Variants in CCNI observed in about 807,000 individuals in gnomAD.
The protein encoded by CCNI is cyclin-I.
CCNI carries 14 observed loss-of-function variants against 34.1 expected under a neutral mutation model. The observed-to-expected ratio is 0.41, with a 90% CI of 0.27 to 0.64. The LOEUF (loss-of-function observed/expected upper bound fraction) is 0.64, where lower values mean the gene tolerates loss of function less well. Among genes scored for constraint, CCNI ranks in the 30% least tolerant of loss-of-function variants. CCNI has a pLI of 0.31. For missense variants in CCNI, 385 were observed against 440.5 expected (o/e 0.87, Z 1.13); for synonymous variants, 154 against 158.4 (o/e 0.97, Z 0.21).
In CCNI at chr4:77,058,600, T is replaced by C. The variant is rs147594092; in HGVS notation, c.150A>G (p.Gln50=). The C allele has an allele frequency of 1.1e-4, 182 of 1,613,594 alleles. 2 individuals are homozygous for C. The South Asian group carries it at 1.6e-3, about 15-fold the overall frequency. Residue 50 remains glutamine, a synonymous_variant, in exon 3 of 7, where the codon CAA becomes CAG. Coordinates refer to ENST00000237654, the MANE Select transcript of CCNI (RefSeq NM_006835.3). ...VSPSQRDEVI[Q]WLAKLKYQFN... ...ATTGGTACTTGAGTTTGGCCAGCCA[T>C]TGAATTACTTCATCTCTCTGGGATG...
intron 1 of CCNI, among the ~76,000 whole-genome samples, chr4:77,067,492 TTA>T (rs963434861): frequency 1.3e-5 from 2 of 151,946 alleles, no homozygotes; most frequent in African/African-American, 2.4e-5. Context: ...TCTCTAGGTT[TTA>T]TGTTTATATG....
At chr4:77,058,406 C>T (rs897840482) in intron 3 of CCNI, 101 bp downstream of exon 3, 28 of 838,734 alleles carry the variant, frequency 3.3e-5, no homozygotes, top group Non-Finnish European at 4.9e-5. Context: ...CAGCAAAGTT[C>T]TCCACTTCTT....
chr4:77,049,012 G>A (rs1272296064), intron 6 of CCNI, among the ~76,000 whole-genome samples: 1 of 124,394 alleles, frequency 8.0e-6, no homozygotes, highest in Non-Finnish European at 1.6e-5. Flanking sequence ...CTGTCTGGAA[G>A]GCCCTTCATC....
intron 1 of CCNI, among the ~76,000 whole-genome samples, chr4:77,074,065 G>A (rs946520101): frequency 6.6e-6 from 1 of 152,066 alleles, no homozygotes; most frequent in African/African-American, 2.4e-5. Flanking sequence ...TAAAGACGAA[G>A]AAACATACAT....
intron 1 of CCNI, among the ~76,000 whole-genome samples, chr4:77,072,638 TAAAAA>T (rs61247567): frequency 7.9e-5 from 8 of 101,386 alleles, no homozygotes; most frequent in African/African-American, 3.3e-4. Flanking sequence ...CCCAATCTCT[TAAAAA>T]AAAAAAAAAA....
At chr4:77,074,261 T>A (rs755727950) in intron 1 of CCNI, among the ~76,000 whole-genome samples, 1 of 152,180 alleles carries the variant, frequency 6.6e-6, no homozygotes, top group Admixed American at 6.5e-5. Flanking sequence ...ATGCTGACTG[T>A]ATTAGTCTGC....
intron 1 of CCNI, among the ~76,000 whole-genome samples, chr4:77,071,190 T>C (rs1047790379): frequency 7.2e-5 from 11 of 152,242 alleles, no homozygotes; most frequent in Admixed American, 2.0e-4. Flanking sequence ...CGTTCTCCAA[T>C]TGCCTATAAT....
chr4:77,054,834 A>G (rs1212630985), intron 6 of CCNI, among the ~76,000 whole-genome samples: 1 of 152,250 alleles, frequency 6.6e-6, no homozygotes, highest in Non-Finnish European at 1.5e-5. Flanking sequence ...GTACTACATT[A>G]AAACCTACAG....
chr4:77,075,381 G>A (rs1242364012), intron 1 of CCNI, 91 bp downstream of exon 1: 10 of 404,718 alleles, frequency 2.5e-5, no homozygotes, highest in South Asian at 2.0e-4. Context: ...GCGCTGCCAC[G>A]GGGGCGGCGC....
intron 3 of CCNI, chr4:77,056,613 G>A (rs934679362): frequency 6.8e-5 from 17 of 249,258 alleles, no homozygotes; most frequent in East Asian, 3.2e-4. Context: ...TTTTTGAGAC[G>A]GAGTCTTGGC....
intron 1 of CCNI, among the ~76,000 whole-genome samples, chr4:77,071,239 A>G (rs1042141069): frequency 1.3e-5 from 2 of 152,244 alleles, no homozygotes; most frequent in African/African-American, 2.4e-5. Flanking sequence ...TTATATTGTA[A>G]TAACTTTTTT....
chr4:77,067,450 A>C (rs1729116305), intron 1 of CCNI, among the ~76,000 whole-genome samples: 1 of 152,176 alleles, frequency 6.6e-6, no homozygotes, highest in Non-Finnish European at 1.5e-5. Flanking sequence ...CAAGTTTAGC[A>C]GTGCAAGACA....
Position 77,058,643 on chromosome 4 carries a change from G to A in CCNI, c.115-8C>T, listed in dbSNP as rs1335023847. ...CTGGGATGGAGAAACATTCTATAAG[G>A]GAACAATTTTGAAAACAGAAGACAA... On this transcript the variant is annotated splice_region_variant and splice_polypyrimidine_tract_variant and intron_variant, in intron 2 of 6. Coordinates refer to ENST00000237654, the MANE Select transcript of CCNI (RefSeq NM_006835.3). 6.2e-7 allele frequency: 1 copy of A among 1,607,074 alleles called. No homozygotes were observed. The highest frequency in any genetic ancestry group is 1.1e-5 in the South Asian group (1 of 89,832).
At chr4:77,059,363 GT>G (rs897766682) in intron 2 of CCNI, among the ~76,000 whole-genome samples, 1 of 149,832 alleles carries the variant, frequency 6.7e-6, no homozygotes, top group African/African-American at 2.5e-5. Context: ...AAAACCGGTT[GT>G]TTATTTTGGG....
At chr4:77,072,557 A>C (rs1729556784) in intron 1 of CCNI, among the ~76,000 whole-genome samples, 1 of 150,720 alleles carries the variant, frequency 6.6e-6, no homozygotes. Flanking sequence ...GGATTACGTA[A>C]GCCCAGGAGC....
At chr4:77,066,490 A>C in intron 1 of CCNI, 85 bp from the exon 2 acceptor site, 1 of 961,110 alleles carries the variant, frequency 1.0e-6, no homozygotes, top group Non-Finnish European at 1.5e-6. Flanking sequence ...CATAAAACAA[A>C]ATAAGAATGC....
intron 1 of CCNI, among the ~76,000 whole-genome samples, chr4:77,070,898 T>C (rs573651979): frequency 3.8e-4 from 58 of 152,356 alleles, no homozygotes; most frequent in Admixed American, 7.8e-4. Context: ...AAGAGATATT[T>C]AGAAGAAACA....
At chr4:77,061,269 C>T (rs1241237219) in intron 2 of CCNI, among the ~76,000 whole-genome samples, 3 of 152,178 alleles carry the variant, frequency 2.0e-5, no homozygotes, top group African/African-American at 7.2e-5. Context: ...ATCATCATGA[C>T]AGCATTACAA....
At chr4:77,069,691 C>T (rs897043835) in intron 1 of CCNI, among the ~76,000 whole-genome samples, 3 of 147,446 alleles carry the variant, frequency 2.0e-5, no homozygotes, top group Admixed American at 7.0e-5. Flanking sequence ...CACAGTACTT[C>T]GACGGAACAG....
Sources: allele counts gnomAD v4.1 joint callset (sites outside exome capture counted in the v4.1 genomes callset), GRCh38; gene constraint gnomAD v4.1.1; transcripts MANE v1.5; gene names NCBI Gene and HGNC (gene_info 2026-07-23, HGNC 2026-07-21).